DIXDC1: variants seen among roughly 807,000 people sequenced by gnomAD.
DIXDC1 encodes dixin.
A neutral mutation model predicts 103.1 loss-of-function variants in DIXDC1; 64 were observed. The ratio of observed to expected loss-of-function variants is 0.62; its 90% CI spans 0.51 to 0.76. The LOEUF (loss-of-function observed/expected upper bound fraction) is 0.76, where lower values mean the gene tolerates loss of function less well. DIXDC1 is among the 30% of genes least tolerant of loss of function. DIXDC1 has a pLI of 0.00. For missense variants in DIXDC1, 759 were observed against 834.2 expected (o/e 0.91, Z 1.11); for synonymous variants, 266 against 298.5 (o/e 0.89, Z 1.12).
At chr11:111,966,257 T>C (rs1341486578) in intron 2 of DIXDC1, among the ~76,000 whole-genome samples, 1 of 135,926 alleles carries the variant, frequency 7.4e-6, no homozygotes, top group Non-Finnish European at 1.5e-5. Flanking sequence ...GGAGTTTTGC[T>C]CTGTTGCCAG....
At chr11:111,950,695 A>C (rs1966776484) in intron 1 of DIXDC1, among the ~76,000 whole-genome samples, 1 of 151,836 alleles carries the variant, frequency 6.6e-6, no homozygotes, top group South Asian at 2.1e-4. Flanking sequence ...ACCTCAGCTT[A>C]TCCACCTGCC....
At position 111,958,264 on chromosome 11, in the gene DIXDC1, G is replaced by A. The variant is rs587765921; in HGVS notation, c.61-6285G>A. Among the ~76,000 whole-genome samples, 1 of 152,254 alleles carries A rather than the reference G, an allele frequency of 6.6e-6. No homozygotes were observed. The highest frequency in any genetic ancestry group is 2.4e-5 in the African/African-American group (1 of 41,554). On this transcript the variant is annotated intron_variant, in intron 1 of 19. Coordinates refer to ENST00000440460, the MANE Select transcript of DIXDC1 (RefSeq NM_001037954.4). This position sits in a 1 kb window ranked among gnomAD's most constrained non-coding sequence, Gnocchi z 4.2. ...GCATCCCTGTGCTCTTGGGGGCCAG[G>A]AGCAGGCAGGAGCCCCAACCCCTCA...
chr11:111,986,856 T>A lies in DIXDC1; in HGVS notation c.1009-15T>A. 1 of 1,560,874 alleles carries A rather than the reference T, an allele frequency of 6.4e-7. No homozygotes were observed. The highest frequency in any genetic ancestry group is 8.7e-7 in the Non-Finnish European group (1 of 1,151,476). On this transcript the variant is annotated splice_polypyrimidine_tract_variant and intron_variant, in intron 8 of 19. Coordinates refer to ENST00000440460, the MANE Select transcript of DIXDC1 (RefSeq NM_001037954.4). ...AGCATAGGTGCTTAGCCATCTCTGT[T>A]TGTCTTATATTCAGATTATAATCCA...
intron 17 of DIXDC1, among the ~76,000 whole-genome samples, chr11:112,005,980 C>T (rs1292505034): frequency 1.3e-5 from 2 of 152,144 alleles, no homozygotes; most frequent in South Asian, 2.1e-4. Context: ...CAGGGCAGGG[C>T]GTCGCCTCAC....
At chr11:111,942,874 G>A (rs1184889462) in intron 1 of DIXDC1, among the ~76,000 whole-genome samples, 3 of 152,070 alleles carry the variant, frequency 2.0e-5, no homozygotes, top group Admixed American at 6.6e-5. Context: ...GCCATCAGTC[G>A]GAGCCTGTTT....
intron 5 of DIXDC1, chr11:111,975,323 C>A: frequency 8.8e-7 from 1 of 1,130,980 alleles, no homozygotes; most frequent in Non-Finnish European, 1.1e-6. Context: ...ATAGCCAGTT[C>A]CATTGTGCTG....
chr11:112,006,809 A>G (rs1861252487), intron 17 of DIXDC1, among the ~76,000 whole-genome samples: 1 of 152,236 alleles, frequency 6.6e-6, no homozygotes, highest in African/African-American at 2.4e-5. Flanking sequence ...CTAGGTCACC[A>G]ACATCAAAGA....
Position 111,974,889 on chromosome 11 carries a change from GATGAGGAAATTGAGA to G in DIXDC1, c.565_579del (p.Glu189_Asn193del), listed in dbSNP as rs1555172426. On this transcript the variant is annotated inframe_deletion, in exon 5 of 20. Coordinates refer to ENST00000440460, the MANE Select transcript of DIXDC1 (RefSeq NM_001037954.4). ...CTTTGACTTTAGGAACAGCAGCATG[GATGAGGAAATTGAGA>G]ATCCATACTGGAGTGTGCGGGCCCT... The G allele has an allele frequency of 2.5e-6, 4 of 1,613,618 alleles. No individual in the cohort carries two copies. In the African/African-American group the frequency reaches 4.0e-5, roughly 16 times the overall value.
intron 5 of DIXDC1, among the ~76,000 whole-genome samples, chr11:111,980,072 A>C (rs1456544655): frequency 6.6e-6 from 1 of 152,162 alleles, no homozygotes; most frequent in African/African-American, 2.4e-5. Flanking sequence ...GTAAACCCTT[A>C]CTCCACTATT....
At chr11:111,973,915 G>A (rs1043200543) in intron 3 of DIXDC1, 108 bp from the exon 4 acceptor site, 7 of 1,041,062 alleles carry the variant, frequency 6.7e-6, no homozygotes, top group African/African-American at 1.6e-5. Flanking sequence ...TGACTGCCTT[G>A]CTTACCTGTA....
chr11:111,929,896 C>A, exon 2 of DIXDC1: 1 of 1,535,990 alleles, frequency 6.5e-7, no homozygotes, highest in Non-Finnish European at 8.7e-7. Flanking sequence ...CTCCTTGCTG[C>A]CAACAGAGCC....
At chr11:111,971,523 G>C (rs1555172062) in intron 3 of DIXDC1, among the ~76,000 whole-genome samples, 1 of 152,184 alleles carries the variant, frequency 6.6e-6, no homozygotes, top group Non-Finnish European at 1.5e-5. Context: ...ACTTTGTCCA[G>C]CCACTGTGGA....
rs910349121 is a variant in DIXDC1, at chr11:111,976,502, T to C, written c.656+1519T>C. Among the ~76,000 whole-genome samples, 1 of 152,206 alleles carries C rather than the reference T, an allele frequency of 6.6e-6. No homozygotes were observed. Among genetic ancestry groups the C allele is most frequent in the Non-Finnish European group, 1.5e-5 (1 of 68,038 alleles). On this transcript the variant is annotated intron_variant, in intron 5 of 19. Coordinates refer to ENST00000440460, the MANE Select transcript of DIXDC1 (RefSeq NM_001037954.4). The surrounding 1 kb of genome is among the most constrained non-coding windows in gnomAD (Gnocchi z 4.3). ...AATGCTGACCCCTCATCCAGCTCTT[T>C]GGCATGCTGGGTTAGTAGCTGCCTT...
intron 17 of DIXDC1, among the ~76,000 whole-genome samples, chr11:112,005,259 G>A (rs1592623210): frequency 6.6e-6 from 1 of 152,140 alleles, no homozygotes; most frequent in African/African-American, 2.4e-5. Context: ...AAAAGGAAGT[G>A]TGGTTATATT....
Position 112,003,712 on chromosome 11 carries a change from C to T in DIXDC1, c.1756+7566C>T, listed in dbSNP as rs587635220. Among the ~76,000 whole-genome samples the T allele has an allele frequency of 4.5e-3, 674 of 150,144 alleles. 3 individuals are homozygous for T. Among genetic ancestry groups the T allele is most frequent in the African/African-American group, 0.015 (630 of 40,834 alleles). On this transcript the variant is annotated intron_variant, in intron 17 of 19. Coordinates refer to ENST00000440460, the MANE Select transcript of DIXDC1 (RefSeq NM_001037954.4). ...ACTCGGGAGGCTGAGGCAGGAGAAT[C>T]GCTTGAACCCGGGAGGTGGAGGTTG...
chr11:111,953,932 C>T (rs1258407777), intron 1 of DIXDC1, among the ~76,000 whole-genome samples: 1 of 151,824 alleles, frequency 6.6e-6, no homozygotes, highest in Non-Finnish European at 1.5e-5. Flanking sequence ...AAAAGAAACG[C>T]GTCTGTACTG....
chr11:111,990,660 C>T (rs1418810456), intron 10 of DIXDC1, among the ~76,000 whole-genome samples: 4 of 151,990 alleles, frequency 2.6e-5, no homozygotes, highest in Non-Finnish European at 5.9e-5. Context: ...TAGTCTTTTG[C>T]TAATATAAAC....
At chr11:111,988,078 A>T (rs985374434) in intron 9 of DIXDC1, among the ~76,000 whole-genome samples, 9 of 151,846 alleles carry the variant, frequency 5.9e-5, no homozygotes, top group Admixed American at 3.9e-4. Context: ...GGCTAACTGC[A>T]GCTTCGACCC....
At chr11:111,972,151 A>C (rs1051266457) in intron 3 of DIXDC1, among the ~76,000 whole-genome samples, 1 of 152,210 alleles carries the variant, frequency 6.6e-6, no homozygotes, top group Admixed American at 6.5e-5. Flanking sequence ...AAACAAACAC[A>C]AATAATCCTT....
Sources: gnomAD v4.1 joint callset for allele counts (sites outside exome capture counted in the v4.1 genomes callset) on GRCh38, gnomAD v4.1.1 for gene constraint, Gnocchi (gnomAD v3.1) non-coding constraint, MANE v1.5 for transcripts, NCBI Gene and HGNC (gene_info 2026-07-23, HGNC 2026-07-21) for gene names.